Variants in MMP26 observed in about 807,000 individuals in gnomAD.
MMP26 encodes the protein matrix metalloproteinase-26.
A neutral mutation model predicts 31.0 loss-of-function variants in MMP26; 33 were observed. That is an observed-to-expected ratio of 1.06 (90% CI 0.81 to 1.42). The LOEUF is 1.42. Among genes scored for constraint, MMP26 ranks in the 40% most tolerant of loss-of-function variants. The probability of loss-of-function intolerance (pLI) is 0.00; values close to 1 mark genes in which losing one functional copy is unlikely to be tolerated. For missense variants in MMP26, 347 were observed against 316.1 expected (o/e 1.10, Z -0.74); for synonymous variants, 122 against 114.9 (o/e 1.06, Z -0.40).
intron 1 of MMP26, among the ~76,000 whole-genome samples, chr11:4,758,767 C>T (rs1439481811): frequency 6.6e-6 from 1 of 151,956 alleles, no homozygotes; most frequent in Non-Finnish European, 1.5e-5. Context: ...ATATTTGAAG[C>T]ATATATAACA....
chr11:4,776,465 C>G (rs1464609631), intron 2 of MMP26, among the ~76,000 whole-genome samples: 1 of 151,320 alleles, frequency 6.6e-6, no homozygotes, highest in Non-Finnish European at 1.5e-5. Context: ...TATTTTTTGA[C>G]TTTTTAATAA....
intron 1 of MMP26, among the ~76,000 whole-genome samples, chr11:4,725,203 T>A (rs1332739520): frequency 6.6e-6 from 1 of 152,192 alleles, no homozygotes; most frequent in Non-Finnish European, 1.5e-5. Context: ...AACCATGACA[T>A]AATTAAACCT....
intron 2 of MMP26, among the ~76,000 whole-genome samples, chr11:4,813,826 TA>T (rs71050432): frequency 2.0e-5 from 3 of 150,730 alleles, no homozygotes; most frequent in Admixed American, 6.6e-5. Context: ...TTCATTAAAA[TA>T]AAAAAAAATC....
intron 6 of MMP26, 62 bp from the exon 7 acceptor site, chr11:4,991,902 C>T (rs1847009566): frequency 7.2e-7 from 1 of 1,398,226 alleles, no homozygotes; most frequent in Admixed American, 2.7e-5. Context: ...TCCTATTTCA[C>T]ACACTTTCAG....
At chr11:4,819,336 C>T (rs1849461989) in intron 2 of MMP26, among the ~76,000 whole-genome samples, 1 of 151,708 alleles carries the variant, frequency 6.6e-6, no homozygotes, top group Non-Finnish European at 1.5e-5. Context: ...TGAGAATAGG[C>T]AAAGGAGAGA....
At chr11:4,834,643 A>T (rs1352996286) in intron 2 of MMP26, among the ~76,000 whole-genome samples, 1 of 152,164 alleles carries the variant, frequency 6.6e-6, no homozygotes. Context: ...AGATCAAATG[A>T]ATGGAAAAAC....
chr11:4,946,421 A>G (rs28673258), intron 2 of MMP26: 350,523 of 1,337,634 alleles, frequency 0.26, 62,739 homozygotes, highest in South Asian at 0.44. Context: ...TGCAATTCCC[A>G]GTACAGTCTT....
At chr11:4,865,979 A>G (rs547636041) in intron 2 of MMP26, among the ~76,000 whole-genome samples, 1 of 152,270 alleles carries the variant, frequency 6.6e-6, no homozygotes, top group Admixed American at 6.5e-5. Context: ...TGAGAAAACA[A>G]ACAGAGACTT....
At chr11:4,957,142 G>A (rs915784751) in intron 2 of MMP26, among the ~76,000 whole-genome samples, 3 of 152,158 alleles carry the variant, frequency 2.0e-5, no homozygotes, top group African/African-American at 7.2e-5. Context: ...TATTTAAAGA[G>A]TTATGAACTG....
At chr11:4,746,880 G>A (rs1373987565) in intron 1 of MMP26, among the ~76,000 whole-genome samples, 1 of 136,408 alleles carries the variant, frequency 7.3e-6, no homozygotes, top group East Asian at 2.1e-4. Context: ...CACACACAAA[G>A]GCTATACATT....
At chr11:4,712,227 C>G (rs1216829797) in intron 1 of MMP26, 1 of 152,186 alleles carries the variant, frequency 6.6e-6, no homozygotes, top group African/African-American at 2.4e-5. Context: ...AGGGATAAAA[C>G]AGTGAATGGG....
At chr11:4,895,361 A>G (rs1279134891) in intron 2 of MMP26, among the ~76,000 whole-genome samples, 1 of 152,152 alleles carries the variant, frequency 6.6e-6, no homozygotes, top group Non-Finnish European at 1.5e-5. Flanking sequence ...TCCAAATCTG[A>G]AGCCCCCACC....
chr11:4,947,063 G>A (rs1372576301), intron 2 of MMP26: 1 of 1,558,758 alleles, frequency 6.4e-7, no homozygotes, highest in African/African-American at 1.4e-5. Context: ...CAAGAAGAAG[G>A]TGGTGATTTC....
At chr11:4,709,378 T>C (rs1424515452) in intron 1 of MMP26, among the ~76,000 whole-genome samples, 1 of 152,178 alleles carries the variant, frequency 6.6e-6, no homozygotes, top group East Asian at 1.9e-4. Flanking sequence ...AGTGTCTGTG[T>C]CCTCTCCTAG....
chr11:4,991,962 AG>A lies in MMP26; in HGVS notation c.596del. On this transcript the variant is annotated splice_acceptor_variant, in intron 6 of 7. Transcript: ENST00000380390. LOFTEE classifies it high-confidence loss of function. ...ATCTTTTTTTTTTCTATAATTTTTC[AG>A]GATATAATCTGTTCCTGGTTGCAAC... 1 of 1,575,270 alleles carries A rather than the reference AG, an allele frequency of 6.3e-7. No individual in the cohort carries two copies. The highest frequency in any genetic ancestry group is 8.6e-7 in the Non-Finnish European group (1 of 1,169,162).
chr11:4,796,398 G>A (rs1460902458), intron 2 of MMP26, among the ~76,000 whole-genome samples: 1 of 152,160 alleles, frequency 6.6e-6, no homozygotes, highest in African/African-American at 2.4e-5. Flanking sequence ...ATTACTTGAA[G>A]TACATGTATT....
chr11:4,818,487 TG>T (rs1365714392), intron 2 of MMP26, among the ~76,000 whole-genome samples: 1 of 148,466 alleles, frequency 6.7e-6, no homozygotes, highest in African/African-American at 2.6e-5. Context: ...TGACTGTCTT[TG>T]AAAAAAAGAT....
At chr11:4,891,246 A>G (rs1243373310) in intron 2 of MMP26, among the ~76,000 whole-genome samples, 2 of 152,078 alleles carry the variant, frequency 1.3e-5, no homozygotes, top group African/African-American at 4.8e-5. Context: ...CTAGCATGGC[A>G]CTGCCATCTG....
intron 2 of MMP26, among the ~76,000 whole-genome samples, chr11:4,924,780 C>T (rs1851245354): frequency 1.3e-5 from 2 of 152,126 alleles, no homozygotes; most frequent in African/African-American, 4.8e-5. Context: ...AATCTGAAAT[C>T]ACCAGGAAAA....
Sources: gnomAD v4.1 joint callset for allele counts (sites outside exome capture counted in the v4.1 genomes callset) on GRCh38, gnomAD v4.1.1 for gene constraint, MANE v1.5 for transcripts, NCBI Gene and HGNC (gene_info 2026-07-23, HGNC 2026-07-21) for gene names.